Variants in CUBN observed in about 807,000 individuals in gnomAD.
CUBN encodes cubilin.
Under a neutral mutation model 405.3 loss-of-function variants are expected in CUBN, and 282 were observed. That is an observed-to-expected ratio of 0.70 (90% confidence interval 0.63 to 0.77). The LOEUF (loss-of-function observed/expected upper bound fraction) is 0.77. Among genes scored for constraint, CUBN ranks in the 30% least tolerant of loss-of-function variants. The pLI is 0.00. For synonymous variants in CUBN, 1,684 were observed against 1,617.0 expected, an observed-to-expected ratio of 1.04 and a Z score of -0.99; for missense variants, 4,514 against 4,475.2, an observed-to-expected ratio of 1.01 and a Z score of -0.25.
chr10:16,939,023 A>G lies in CUBN; in HGVS notation c.5673T>C (p.His1891=), dbSNP rs370204654. Residue 1891 remains histidine, a synonymous_variant, in exon 38 of 67, where the codon CAT becomes CAC. Transcript: ENST00000377833. ...TVNVNASHVV[H]GRILEMDIEE... Reference sequence around the variant, plus strand: ...CTATGTCCATCTCCAAGATTCTACCATGGACAACGTGAGATGCATTCACAT... The same window carrying G: ...CTATGTCCATCTCCAAGATTCTACCGTGGACAACGTGAGATGCATTCACAT... The G allele has an allele frequency of 6.2e-7, 1 of 1,613,916 alleles. No homozygotes were observed. Among genetic ancestry groups the G allele is most frequent in the African/African-American group, 1.3e-5 (1 of 75,034 alleles).
At chr10:17,008,503 C>T (rs1350080954) in intron 28 of CUBN, among the ~76,000 whole-genome samples, 1 of 151,332 alleles carries the variant, frequency 6.6e-6, no homozygotes, top group Non-Finnish European at 1.5e-5. Context: ...CTGCAGCCAC[C>T]TTGGCAGCGC....
intron 48 of CUBN, 80 bp downstream of exon 48, chr10:16,913,731 A>G: frequency 6.5e-7 from 1 of 1,547,698 alleles, no homozygotes; most frequent in Non-Finnish European, 8.9e-7. Flanking sequence ...TTCCTGACCT[A>G]GTTTTCTGAC....
chr10:17,118,744 C>T (rs1836963921), intron 6 of CUBN, among the ~76,000 whole-genome samples: 1 of 152,116 alleles, frequency 6.6e-6, no homozygotes, highest in Non-Finnish European at 1.5e-5. Flanking sequence ...GCCTCATGTA[C>T]CTTTTAAACA....
intron 8 of CUBN, among the ~76,000 whole-genome samples, chr10:17,113,013 C>A (rs932705895): frequency 1.3e-5 from 2 of 152,150 alleles, no homozygotes; most frequent in African/African-American, 4.8e-5. Context: ...CGCCTGTAAT[C>A]CCAGCAGTTT....
At chr10:16,985,259 C>T (rs1447132472) in intron 29 of CUBN, among the ~76,000 whole-genome samples, 1 of 152,170 alleles carries the variant, frequency 6.6e-6, no homozygotes, top group African/African-American at 2.4e-5. Flanking sequence ...AATAGAAGAG[C>T]AGAGGAGGAG....
At chr10:16,895,257 T>C (rs781580572) in intron 54 of CUBN, among the ~76,000 whole-genome samples, 1 of 152,180 alleles carries the variant, frequency 6.6e-6, no homozygotes, top group Non-Finnish European at 1.5e-5. Flanking sequence ...GGATATGATC[T>C]ACCTTGGAAT....
At chr10:16,943,166 G>C (rs994726688) in intron 36 of CUBN, among the ~76,000 whole-genome samples, 3 of 152,158 alleles carry the variant, frequency 2.0e-5, no homozygotes, top group African/African-American at 7.2e-5. Flanking sequence ...TAACTGGTCA[G>C]CTCTGCTCTA....
rs143829410 is a variant in CUBN at position 17,110,973 on chromosome 10, G to A, written c.961C>T (p.Pro321Ser). 6.3e-5 allele frequency: 102 copies of A among 1,614,162 alleles called. No homozygotes were observed. The African/African-American group carries it at 1.3e-3, about 20-fold the overall frequency. ...CCAGGTGTATTCACACACTCAACGG[G>A]TGGAGCCACAGAACAGCCGCCGTTA... ...INNGGCSVAP[P>S]VECVNTPGSS... The change falls in exon 9 of 67, where the codon CCC (proline) becomes TCC (serine). Residue 321 changes from proline (P) to serine (S), a missense_variant. This residue lies in a region of CUBN where 1,448 missense variants were observed against 1,388.0 expected (regional missense o/e 1.04). Transcript: ENST00000377833.
At chr10:16,930,902 T>C (rs562443373) in intron 40 of CUBN, among the ~76,000 whole-genome samples, 62 of 152,316 alleles carry the variant, frequency 4.1e-4, no homozygotes, top group African/African-American at 1.4e-3. Flanking sequence ...GTTACATGCT[T>C]CTGCTACTCA....
chr10:17,041,679 C>A (rs982408524), intron 26 of CUBN, among the ~76,000 whole-genome samples: 1 of 151,906 alleles, frequency 6.6e-6, no homozygotes, highest in Non-Finnish European at 1.5e-5. Flanking sequence ...AGTTTAAAAA[C>A]CCAAAATCCT....
At chr10:17,029,648 C>CA (rs1483096812) in intron 27 of CUBN, among the ~76,000 whole-genome samples, 1 of 152,154 alleles carries the variant, frequency 6.6e-6, no homozygotes. Context: ...AAGCTCTAAG[C>CA]AAAATGCAAA....
chr10:16,858,832 C>T (rs1301084951), intron 59 of CUBN, among the ~76,000 whole-genome samples: 2 of 152,156 alleles, frequency 1.3e-5, no homozygotes, highest in Non-Finnish European at 2.9e-5. Context: ...ACAAATATGT[C>T]CAACTGATTT....
At chr10:16,857,266 C>T (rs551218029) in intron 59 of CUBN, among the ~76,000 whole-genome samples, 9 of 152,028 alleles carry the variant, frequency 5.9e-5, no homozygotes, top group Non-Finnish European at 1.2e-4. Context: ...ATTTGAAACC[C>T]AGCTTAATCT....
At chr10:17,126,689 A>C in intron 4 of CUBN, 72 bp downstream of exon 4, 4 of 1,483,504 alleles carry the variant, frequency 2.7e-6, no homozygotes, top group Non-Finnish European at 3.8e-6. Flanking sequence ...TCAAAATAAG[A>C]ATAGCAGCTC....
At chr10:16,892,161 T>A (rs12245878) in intron 54 of CUBN, among the ~76,000 whole-genome samples, 1 of 152,204 alleles carries the variant, frequency 6.6e-6, no homozygotes, top group African/African-American at 2.4e-5. Flanking sequence ...AATTCTCAGC[T>A]CTTTAAAGCC....
chr10:17,085,958 T>G (rs560934031), intron 15 of CUBN, among the ~76,000 whole-genome samples, 199 bp from the exon 16 acceptor site: 1 of 145,552 alleles, frequency 6.9e-6, no homozygotes, highest in South Asian at 2.2e-4. Context: ...GCCTTCTCTC[T>G]GTCTGAATTT....
chr10:16,981,175 G>GACACACA (rs1833259896), intron 31 of CUBN, among the ~76,000 whole-genome samples: 2 of 19,836 alleles, frequency 1.0e-4, no homozygotes, highest in Non-Finnish European at 4.5e-4. Flanking sequence ...CCCAGACTCA[G>GACACACA]CAGACACACA....
intron 57 of CUBN, among the ~76,000 whole-genome samples, chr10:16,875,370 T>C (rs1004628585): frequency 6.6e-6 from 1 of 152,250 alleles, no homozygotes; most frequent in African/African-American, 2.4e-5. Flanking sequence ...TGTATATTTA[T>C]GATTCTAAAA....
intron 62 of CUBN, among the ~76,000 whole-genome samples, chr10:16,839,767 G>A (rs1313758451): frequency 2.6e-5 from 4 of 151,572 alleles, no homozygotes; most frequent in South Asian, 2.1e-4. Flanking sequence ...ACATGCACAC[G>A]TATGTTTATT....
Sources: allele counts gnomAD v4.1 joint callset (sites outside exome capture counted in the v4.1 genomes callset), GRCh38; gene constraint gnomAD v4.1.1; regional missense constraint gnomAD v4.1.1; transcripts MANE v1.5; gene names NCBI Gene and HGNC (gene_info 2026-07-23, HGNC 2026-07-21).